RBBP8: variants seen among roughly 807,000 people sequenced by gnomAD.
The protein encoded by RBBP8 is DNA endonuclease RBBP8.
A neutral mutation model predicts 108.3 loss-of-function variants in RBBP8; 88 were observed. That is an observed-to-expected ratio of 0.81 (90% CI 0.68 to 0.97). The LOEUF is 0.97. Among genes scored for constraint, RBBP8 ranks in the 50% least tolerant of loss-of-function variants. RBBP8 has a pLI of 0.00. For missense variants in RBBP8, 1,023 were observed against 1,049.0 expected, an observed-to-expected ratio of 0.98 and a Z score of 0.34; for synonymous variants, 332 against 348.2, an observed-to-expected ratio of 0.95 and a Z score of 0.52.
intron 18 of RBBP8, chr18:23,024,744 T>G (rs2046427000): frequency 6.6e-6 from 1 of 152,254 alleles, no homozygotes; most frequent in Admixed American, 6.5e-5. Flanking sequence ...ATATGTTTTC[T>G]GGTATGTGAT....
At chr18:22,997,109 T>G (rs1375684694) in intron 13 of RBBP8, among the ~76,000 whole-genome samples, 1 of 152,246 alleles carries the variant, frequency 6.6e-6, no homozygotes, top group Non-Finnish European at 1.5e-5. Context: ...AAAATTCATT[T>G]TCCAAGTTGA....
exon 3 of RBBP8, chr18:22,916,956 T>C (rs2144325443): frequency 6.6e-6 from 1 of 152,240 alleles, no homozygotes; most frequent in Non-Finnish European, 1.5e-5. Context: ...ACAGGAAAAT[T>C]TTGTTATGAA....
At chr18:22,929,634 G>A (rs186592349), upstream of RBBP8, among the ~76,000 whole-genome samples, 3 of 151,692 alleles carry the variant, frequency 2.0e-5, no homozygotes, top group Non-Finnish European at 4.4e-5. Flanking sequence ...GCCTCCCGCG[G>A]GCCTCCCACA....
intron 16 of RBBP8, among the ~76,000 whole-genome samples, chr18:23,014,460 C>T (rs978792333): frequency 2.6e-5 from 4 of 152,056 alleles, no homozygotes; most frequent in African/African-American, 9.7e-5. Flanking sequence ...ATAGTAAGAC[C>T]TCATCTGTAC....
At chr18:23,014,010 T>A (rs2046215053) in intron 16 of RBBP8, among the ~76,000 whole-genome samples, 1 of 152,138 alleles carries the variant, frequency 6.6e-6, no homozygotes, top group African/African-American at 2.4e-5. Context: ...TATTTATTTA[T>A]TTATTTAGAG....
chr18:22,923,312 G>A (rs77040698), intron 3 of RBBP8, among the ~76,000 whole-genome samples: 4,866 of 152,204 alleles, frequency 0.032, 100 homozygotes, highest in South Asian at 0.065. Flanking sequence ...AAATTAGATG[G>A]TGCAGCTGAT....
rs1183086877 is a variant in RBBP8 at position 22,972,740 on chromosome 18, C to T, written c.362-2413C>T. On this transcript the variant is annotated intron_variant, in intron 5 of 18. Coordinates refer to ENST00000327155, the MANE Select transcript of RBBP8 (RefSeq NM_002894.3). ...AGCACTTAACTTTGATGATCTTCTC[C>T]ACTTACATTCTGCTCTTGCCCAGTA... is the stretch of plus-strand genomic sequence containing the variant. Among the ~76,000 whole-genome samples, 4 of 152,306 alleles carry T rather than the reference C, an allele frequency of 2.6e-5. No homozygotes were observed. The East Asian group carries it at 7.7e-4, about 29-fold the overall frequency.
intron 4 of RBBP8, among the ~76,000 whole-genome samples, chr18:22,952,108 G>A (rs1252428339): frequency 2.0e-5 from 3 of 152,194 alleles, no homozygotes; most frequent in Non-Finnish European, 4.4e-5. Context: ...AGTGATAGGA[G>A]TGAGATTGGA....
chr18:22,967,465 A>G (rs1233330088), intron 4 of RBBP8, among the ~76,000 whole-genome samples: 1 of 152,114 alleles, frequency 6.6e-6, no homozygotes, highest in Non-Finnish European at 1.5e-5. Flanking sequence ...GATTAGGTAA[A>G]TAATGAAATT....
At chr18:22,995,908 G>C (rs2045848767) in intron 12 of RBBP8, among the ~76,000 whole-genome samples, 1 of 152,098 alleles carries the variant, frequency 6.6e-6, no homozygotes, top group African/African-American at 2.4e-5. Flanking sequence ...TTATACCTAG[G>C]AGTGGAATTG....
chr18:22,914,944 C>A (rs1909297199), intron 1 of RBBP8, among the ~76,000 whole-genome samples: 1 of 152,094 alleles, frequency 6.6e-6, no homozygotes, highest in South Asian at 2.1e-4. Context: ...CCTGGATCTT[C>A]CTTTCATTTA....
At chr18:22,996,602 A>G in intron 13 of RBBP8, 140 bp downstream of exon 13, 1 of 1,420,356 alleles carries the variant, frequency 7.0e-7, no homozygotes, top group Non-Finnish European at 9.3e-7. Flanking sequence ...CAGAAAATTA[A>G]GAAATAAAAA....
At chr18:22,963,643 T>G (rs904310572) in intron 4 of RBBP8, among the ~76,000 whole-genome samples, 6 of 152,208 alleles carry the variant, frequency 3.9e-5, no homozygotes, top group Non-Finnish European at 7.3e-5. Flanking sequence ...ACTGCTTTCC[T>G]TTTTCATATA....
In RBBP8 at chr18:23,010,876, A is replaced by G. The variant is rs116201004; in HGVS notation, c.2357+4444A>G. 8.4e-3 allele frequency among the ~76,000 whole-genome samples: 1,279 copies of G among 152,306 alleles called. 22 individuals carry two copies. Among genetic ancestry groups the G allele is most frequent in the African/African-American group, 0.03 (1,231 of 41,558 alleles). ...TTTAAGTGATGCTTTGAGGTCTACT[A>G]CAGATGCTGTTCTGCTAGGAGATTC... On this transcript the variant is annotated intron_variant, in intron 16 of 18. Coordinates refer to ENST00000327155, the MANE Select transcript of RBBP8 (RefSeq NM_002894.3).
rs555860822 is a variant in RBBP8 at position 22,981,686 on chromosome 18, T to C, written c.429-532T>C. On this transcript the variant is annotated intron_variant, in intron 6 of 18. Transcript: ENST00000327155. ...CTTTCCTTTCCATATGTACTTAAAA[T>C]ATTCTAGTTCAGACCGCAGACAGAG... Among the ~76,000 whole-genome samples, 40 of 152,344 alleles carry C rather than the reference T, an allele frequency of 2.6e-4. No homozygotes were observed. The South Asian group carries it at 4.1e-3, about 16-fold the overall frequency.
intron 16 of RBBP8, among the ~76,000 whole-genome samples, chr18:23,016,316 G>A (rs896052169): frequency 3.3e-5 from 5 of 152,048 alleles, no homozygotes; most frequent in African/African-American, 1.2e-4. Context: ...AGGCTGAGGC[G>A]GGCAGATCAC....
intron 3 of RBBP8, among the ~76,000 whole-genome samples, chr18:22,949,011 G>C (rs1331946082): frequency 1.3e-5 from 2 of 152,058 alleles, no homozygotes; most frequent in Non-Finnish European, 2.9e-5. Context: ...TTAACATAAA[G>C]CCTACTGTGT....
chr18:22,918,652 G>A (rs896632226), intron 3 of RBBP8, among the ~76,000 whole-genome samples: 14 of 152,014 alleles, frequency 9.2e-5, no homozygotes, highest in Admixed American at 1.3e-4. Flanking sequence ...CTAACATGAC[G>A]TCAAATTAAT....
chr18:22,963,836 C>T (rs1913329466), intron 4 of RBBP8, among the ~76,000 whole-genome samples: 1 of 152,062 alleles, frequency 6.6e-6, no homozygotes, highest in African/African-American at 2.4e-5. Context: ...TTAATTGTGG[C>T]CATTCTTGTT....
Sources: allele counts gnomAD v4.1 joint callset (sites outside exome capture counted in the v4.1 genomes callset), GRCh38; gene constraint gnomAD v4.1.1; transcripts MANE v1.5; gene names NCBI Gene and HGNC (gene_info 2026-07-23, HGNC 2026-07-21).